The following GRIK1 variants were observed in gnomAD, a reference collection of about 807,000 sequenced individuals.
GRIK1 encodes glutamate receptor ionotropic, kainate 1.
A neutral mutation model predicts 105.7 loss-of-function variants in GRIK1; 69 were observed. The ratio of observed to expected loss-of-function variants is 0.65; its 90% CI spans 0.54 to 0.80. The LOEUF is 0.80. GRIK1 is among the 30% of genes least tolerant of loss of function. The probability of loss-of-function intolerance (pLI) is 0.00; values close to 1 mark genes in which losing one functional copy is unlikely to be tolerated. For synonymous variants in GRIK1, 438 were observed against 431.3 expected, an observed-to-expected ratio of 1.02 and a Z score of -0.19; for missense variants, 1,109 against 1,167.3, an observed-to-expected ratio of 0.95 and a Z score of 0.73.
At chr21:29,792,961 C>T (rs750779142) in intron 1 of GRIK1, among the ~76,000 whole-genome samples, 2 of 152,166 alleles carry the variant, frequency 1.3e-5, no homozygotes, top group Non-Finnish European at 2.9e-5. Flanking sequence ...CTCAGTAGCA[C>T]TTAGTGCAAT....
In GRIK1 at chr21:29,939,475, T is replaced by C. The variant is rs747041440; in HGVS notation, c.26A>G (p.Gln9Arg). Reference protein sequence around the residue: MEHGTLLAQPGLWTRDTSW... With the variant: MEHGTLLARPGLWTRDTSW... ...GGTGTCCCTGGTCCAGAGCCCGGGCTGGGCGAGGAGTGTGCCGTGCTCCAT... is the reference window on the plus strand; with the variant it reads ...GGTGTCCCTGGTCCAGAGCCCGGGCCGGGCGAGGAGTGTGCCGTGCTCCAT... Residue 9 changes from glutamine (Q) to arginine (R), a missense_variant, in exon 1 of 18, where the codon CAG becomes CGG. Transcript: ENST00000327783. 2 of 1,598,224 alleles carry C rather than the reference T, an allele frequency of 1.3e-6. No homozygotes were observed. The highest frequency in any genetic ancestry group is 1.7e-6 in the Non-Finnish European group (2 of 1,172,122).
At chr21:29,695,464 CT>C (rs1481063037) in intron 1 of GRIK1, among the ~76,000 whole-genome samples, 1 of 145,086 alleles carries the variant, frequency 6.9e-6, no homozygotes, top group African/African-American at 2.6e-5. Flanking sequence ...ATCTATCTAT[CT>C]ATCTATCTAT....
intron 9 of GRIK1, chr21:29,596,008 G>A (rs1280986730): frequency 4.0e-6 from 1 of 250,684 alleles, no homozygotes; most frequent in African/African-American, 2.3e-5. Flanking sequence ...CTCTGATGAA[G>A]ATATCACACA....
chr21:29,856,891 C>T (rs933325644), intron 1 of GRIK1, among the ~76,000 whole-genome samples: 5 of 151,926 alleles, frequency 3.3e-5, no homozygotes, highest in African/African-American at 1.2e-4. Context: ...AGCCTAAGGA[C>T]CCCGAGGTTG....
intron 1 of GRIK1, among the ~76,000 whole-genome samples, chr21:29,814,196 C>A (rs536726146): frequency 1.3e-5 from 2 of 151,326 alleles, no homozygotes; most frequent in African/African-American, 4.9e-5. Context: ...GATGATCCAC[C>A]TGCCTCGGCC....
intron 1 of GRIK1, among the ~76,000 whole-genome samples, chr21:29,718,507 A>C (rs2064234654): frequency 6.6e-6 from 1 of 152,246 alleles, no homozygotes; most frequent in South Asian, 2.1e-4. Context: ...CTGTTGCTTT[A>C]TGACATTGTT....
rs577308230 is a variant in GRIK1, at chr21:29,545,468, A to AT, written c.2608-7585dup. Among the ~76,000 whole-genome samples, 7 of 152,120 alleles carry AT rather than the reference A, an allele frequency of 4.6e-5. No homozygotes were observed. In the South Asian group the frequency reaches 1.2e-3, roughly 27 times the overall value. On this transcript the variant is annotated intron_variant, in intron 16 of 17. Transcript: ENST00000327783. ...TCCCTCACCTCATGGAAAACGCTTG[A>AT]TTTTTTTGTTTTTTGTTTTTGTTTT...
chr21:29,770,534 A>C (rs1380773774), intron 1 of GRIK1, among the ~76,000 whole-genome samples: 3 of 152,226 alleles, frequency 2.0e-5, no homozygotes, highest in Non-Finnish European at 2.9e-5. Context: ...GTGACCAGGC[A>C]GGCTGGAAAG....
intron 13 of GRIK1, among the ~76,000 whole-genome samples, chr21:29,577,481 A>T (rs2090922901): frequency 6.6e-6 from 1 of 152,186 alleles, no homozygotes. Flanking sequence ...TGAAAAGTCA[A>T]CCCCAAGACT....
At chr21:29,553,137 G>A (rs2090164024) in intron 16 of GRIK1, 1 of 758,610 alleles carries the variant, frequency 1.3e-6, no homozygotes, top group African/African-American at 1.9e-5. Context: ...CACAATATAT[G>A]AGACAGGGAG....
intron 1 of GRIK1, among the ~76,000 whole-genome samples, chr21:29,737,314 T>C (rs889645294): frequency 2.6e-5 from 4 of 152,200 alleles, no homozygotes; most frequent in African/African-American, 7.2e-5. Flanking sequence ...GTTGTAGCTC[T>C]AACTGTTTAA....
intron 6 of GRIK1, among the ~76,000 whole-genome samples, chr21:29,648,871 G>A (rs1465652296): frequency 6.6e-6 from 1 of 152,182 alleles, no homozygotes; most frequent in Non-Finnish European, 1.5e-5. Flanking sequence ...AGTGCTTGAT[G>A]TGCAAGAATG....
At chr21:29,834,091 A>G (rs1472617614) in intron 1 of GRIK1, among the ~76,000 whole-genome samples, 1 of 152,098 alleles carries the variant, frequency 6.6e-6, no homozygotes, top group Non-Finnish European at 1.5e-5. Context: ...GGTTTATTGA[A>G]GAAAGAAGTG....
chr21:29,915,226 T>C lies in GRIK1; in HGVS notation c.118+24157A>G, dbSNP rs553262735. ...CACAAACACACACCTTCCTTCCTTA[T>C]GTGCAACCATAGAGGATCAGCCTAT... On this transcript the variant is annotated intron_variant, in intron 1 of 17. Transcript: ENST00000327783. Among the ~76,000 whole-genome samples the C allele has an allele frequency of 1.8e-4, 28 of 151,962 alleles. No individual in the cohort carries two copies. The South Asian group carries it at 5.2e-3, about 28-fold the overall frequency.
intron 1 of GRIK1, among the ~76,000 whole-genome samples, chr21:29,726,274 T>C (rs1317175939): frequency 6.6e-6 from 1 of 152,232 alleles, no homozygotes; most frequent in East Asian, 1.9e-4. Context: ...ATTCTTGATG[T>C]ATTTTTAGGG....
chr21:29,869,706 A>G (rs2068946469), intron 1 of GRIK1, among the ~76,000 whole-genome samples: 1 of 152,226 alleles, frequency 6.6e-6, no homozygotes, highest in Admixed American at 6.5e-5. Flanking sequence ...AGAGTTCTAT[A>G]TGGACATATA....
Position 29,566,359 on chromosome 21 carries a change from T to C in GRIK1, c.2131-4510A>G, listed in dbSNP as rs114614153. Reference sequence around the variant, plus strand: ...AGTTGCTAAAACTGAAAAAGCCTCATTTATTAAATCTGAAATCACCCAGGA... The same window carrying C: ...AGTTGCTAAAACTGAAAAAGCCTCACTTATTAAATCTGAAATCACCCAGGA... On this transcript the variant is annotated intron_variant, in intron 14 of 17. Transcript: ENST00000327783. Among the ~76,000 whole-genome samples, 104 of 152,348 alleles carry C rather than the reference T, an allele frequency of 6.8e-4. 1 individual carries two copies. Among genetic ancestry groups the C allele is most frequent in the African/African-American group, 2.2e-3 (90 of 41,588 alleles).
In GRIK1 at chr21:29,642,887, A is replaced by C. The variant is rs368993755; in HGVS notation, c.1037T>G (p.Leu346Arg). The C allele has an allele frequency of 2.5e-6, 4 of 1,613,840 alleles. No individual in the cohort carries two copies. In the African/African-American group the frequency reaches 5.3e-5, roughly 22 times the overall value. Residue 346 changes from leucine (L) to arginine (R), a missense_variant, in exon 7 of 18, where the codon CTG becomes CGG. Leu to Arg is a moderately radical substitution (Grantham distance 102). Coordinates refer to ENST00000327783, the MANE Select transcript of GRIK1 (RefSeq NM_001330994.2). ...HRASQLTVSS[L>R]QCHRHKPWRL... ...CCATGGCTTATGTCTATGGCACTGC[A>C]GGGAGCTGACGGTCAGCTGGGATGC...
At chr21:29,827,246 A>G (rs1018137928) in intron 1 of GRIK1, among the ~76,000 whole-genome samples, 8 of 152,146 alleles carry the variant, frequency 5.3e-5, no homozygotes, top group African/African-American at 1.9e-4. Flanking sequence ...ACACATTTTA[A>G]AGCAGGTGGT....
Sources: allele counts gnomAD v4.1 joint callset (sites outside exome capture counted in the v4.1 genomes callset), GRCh38; gene constraint gnomAD v4.1.1; transcripts MANE v1.5; gene names NCBI Gene and HGNC (gene_info 2026-07-23, HGNC 2026-07-21).